Variants in PLCB4 observed in about 807,000 individuals in gnomAD.
PLCB4 encodes phospholipase C beta 4, also known as 1-phosphatidylinositol 4,5-bisphosphate phosphodiesterase beta-4.
In PLCB4, 77 loss-of-function variants were observed where a neutral mutation model predicts 178.8. The observed-to-expected ratio is 0.43, with a 90% CI of 0.36 to 0.52. PLCB4 has a LOEUF of 0.52. Ranked by LOEUF, PLCB4 falls within the 20% of genes least tolerant of loss-of-function variation. PLCB4 has a pLI of 0.00. For synonymous variants in PLCB4, 496 were observed against 490.8 expected (o/e 1.01, Z -0.14); for missense variants, 1,024 against 1,453.4 (o/e 0.70, Z 4.80).
chr20:9,235,418 A>T (rs2093982749), intron 3 of PLCB4, among the ~76,000 whole-genome samples: 1 of 152,196 alleles, frequency 6.6e-6, no homozygotes, highest in South Asian at 2.1e-4. Context: ...GATCCATAGT[A>T]TTATAGAAAA....
chr20:9,323,408 A>G (rs1568586018), intron 4 of PLCB4, among the ~76,000 whole-genome samples: 1 of 152,230 alleles, frequency 6.6e-6, no homozygotes, highest in Non-Finnish European at 1.5e-5. Context: ...CTAGAAGATA[A>G]GCCCTGAGAG....
chr20:9,299,741 A>G (rs1357827024), intron 3 of PLCB4, among the ~76,000 whole-genome samples: 2 of 152,078 alleles, frequency 1.3e-5, no homozygotes, highest in South Asian at 2.1e-4. Flanking sequence ...TTTTTCTACC[A>G]TAAACAGCAC....
chr20:9,290,003 C>G (rs1364640236), intron 3 of PLCB4, among the ~76,000 whole-genome samples: 2 of 151,924 alleles, frequency 1.3e-5, no homozygotes, highest in African/African-American at 4.8e-5. Flanking sequence ...AGAGTGGTGA[C>G]TTTCATTTCT....
chr20:9,366,490 A>T (rs1186759522), intron 9 of PLCB4, among the ~76,000 whole-genome samples: 1 of 152,074 alleles, frequency 6.6e-6, no homozygotes, highest in Non-Finnish European at 1.5e-5. Context: ...TTAATACTTA[A>T]GTGGACAGAT....
intron 34 of PLCB4, among the ~76,000 whole-genome samples, chr20:9,458,542 A>G (rs1461264034): frequency 6.6e-6 from 1 of 152,148 alleles, no homozygotes; most frequent in African/African-American, 2.4e-5. Context: ...ACTTCTGCTG[A>G]TTTTGGCTGG....
chr20:9,475,795 T>G (rs964050694), intron 38 of PLCB4, among the ~76,000 whole-genome samples: 3 of 152,186 alleles, frequency 2.0e-5, no homozygotes, highest in African/African-American at 7.2e-5. Flanking sequence ...ATGGGCACAG[T>G]GCAAAAGATA....
chr20:9,212,643 T>C (rs1306692554), intron 2 of PLCB4, among the ~76,000 whole-genome samples: 1 of 152,222 alleles, frequency 6.6e-6, no homozygotes, highest in East Asian at 1.9e-4. Flanking sequence ...CAGTTCCATA[T>C]GTATGCTTTT....
chr20:9,222,733 A>G (rs750540176), intron 3 of PLCB4, among the ~76,000 whole-genome samples: 3 of 152,200 alleles, frequency 2.0e-5, no homozygotes, highest in East Asian at 1.9e-4. Context: ...AAGACTAGCC[A>G]TATTTCAGTG....
intron 2 of PLCB4, among the ~76,000 whole-genome samples, chr20:9,167,706 G>C (rs1366862988): frequency 6.6e-6 from 1 of 152,182 alleles, no homozygotes; most frequent in African/African-American, 2.4e-5. Context: ...TTCATGGACA[G>C]AGGAGTGATG....
At chr20:9,445,196 G>A (rs2042341960) in intron 32 of PLCB4, among the ~76,000 whole-genome samples, 1 of 152,176 alleles carries the variant, frequency 6.6e-6, no homozygotes, top group Non-Finnish European at 1.5e-5. Flanking sequence ...GAAAAAGGTA[G>A]TACCTCTTTC....
intron 3 of PLCB4, among the ~76,000 whole-genome samples, chr20:9,278,197 A>G (rs1030325830): frequency 1.3e-5 from 2 of 152,050 alleles, no homozygotes; most frequent in African/African-American, 2.4e-5. Flanking sequence ...GTGGCTTGTG[A>G]ACTGCAAGAC....
At chr20:9,194,433 T>C (rs1446332140) in intron 2 of PLCB4, among the ~76,000 whole-genome samples, 2 of 152,040 alleles carry the variant, frequency 1.3e-5, no homozygotes, top group Non-Finnish European at 2.9e-5. Context: ...ATACGTGTAA[T>C]CCCAGCACTT....
At chr20:9,346,071 A>T (rs1450451858) in intron 7 of PLCB4, among the ~76,000 whole-genome samples, 2 of 152,212 alleles carry the variant, frequency 1.3e-5, no homozygotes, top group East Asian at 3.9e-4. Flanking sequence ...TAACCACAGC[A>T]TTACCCCAAG....
chr20:9,210,270 G>T (rs772603631), intron 2 of PLCB4, among the ~76,000 whole-genome samples: 1 of 152,184 alleles, frequency 6.6e-6, no homozygotes, highest in Non-Finnish European at 1.5e-5. Flanking sequence ...ATGACAGATA[G>T]AGGTAAGTTT....
intron 3 of PLCB4, among the ~76,000 whole-genome samples, chr20:9,237,633 G>A (rs2094007777): frequency 6.6e-6 from 1 of 152,204 alleles, no homozygotes. Context: ...AAGCATGACA[G>A]TAGACCACAG....
chr20:9,391,083 G>A (rs2038101046), intron 17 of PLCB4, among the ~76,000 whole-genome samples: 1 of 152,146 alleles, frequency 6.6e-6, no homozygotes, highest in Admixed American at 6.5e-5. Flanking sequence ...GCTGTGGAAA[G>A]TGCCCTGGAT....
At chr20:9,383,589 C>T (rs1358219457) in intron 13 of PLCB4, among the ~76,000 whole-genome samples, 3 of 152,276 alleles carry the variant, frequency 2.0e-5, no homozygotes, top group South Asian at 2.1e-4. Flanking sequence ...TTTGGGGCCA[C>T]GTTTCAATGA....
intron 2 of PLCB4, among the ~76,000 whole-genome samples, chr20:9,194,835 T>C (rs2093450837): frequency 6.6e-6 from 1 of 152,172 alleles, no homozygotes; most frequent in South Asian, 2.1e-4. Context: ...TGGGGCTTGC[T>C]AATTATGAGA....
intron 7 of PLCB4, among the ~76,000 whole-genome samples, chr20:9,342,656 GTT>G (rs869216944): frequency 1.6e-5 from 2 of 125,812 alleles, no homozygotes; most frequent in African/African-American, 3.2e-5. Context: ...ATGTTTTGGG[GTT>G]TTTTTTTTTT....
Sources: allele counts gnomAD v4.1 joint callset (sites outside exome capture counted in the v4.1 genomes callset), GRCh38; gene constraint gnomAD v4.1.1; transcripts MANE v1.5; gene names NCBI Gene and HGNC (gene_info 2026-07-23, HGNC 2026-07-21).